Variants in PRR16 observed in about 807,000 individuals in gnomAD.
The protein encoded by PRR16 is proline rich 16, also known as protein Largen.
PRR16 carries 6 observed loss-of-function variants against 18.2 expected under a neutral mutation model. The observed-to-expected ratio is 0.33, with a 90% CI of 0.18 to 0.65. PRR16 has a LOEUF of 0.65. Among genes scored for constraint, PRR16 ranks in the 30% least tolerant of loss-of-function variants. The pLI is 0.74. For missense variants in PRR16, 412 were observed against 376.6 expected, an observed-to-expected ratio of 1.09 and a Z score of -0.78; for synonymous variants, 151 against 147.8, an observed-to-expected ratio of 1.02 and a Z score of -0.16.
chr5:120,645,346 A>G (rs1021989460), intron 1 of PRR16, among the ~76,000 whole-genome samples: 2 of 151,770 alleles, frequency 1.3e-5, no homozygotes, highest in African/African-American at 4.8e-5. Flanking sequence ...ATACACACAC[A>G]CACACAGACA....
chr5:120,585,002 T>C (rs1753393729), intron 1 of PRR16, among the ~76,000 whole-genome samples: 1 of 152,182 alleles, frequency 6.6e-6, no homozygotes, highest in Admixed American at 6.5e-5. Context: ...CTAGATCATC[T>C]TAGCTGTTGT....
At chr5:120,746,739 G>A in the PRR16 span, among the ~76,000 whole-genome samples, 2 of 152,016 alleles carry the variant, frequency 1.3e-5, no homozygotes, top group African/African-American at 4.8e-5. Flanking sequence ...TTAATGTAGA[G>A]CCAGAGTTGA....
intron 1 of PRR16, among the ~76,000 whole-genome samples, chr5:120,569,137 A>C (rs1399235111): frequency 3.9e-5 from 6 of 152,100 alleles, no homozygotes; most frequent in Non-Finnish European, 8.8e-5. Flanking sequence ...ATGCTTGTAA[A>C]CATTTTGTCA....
chr5:120,771,839 G>A, the PRR16 span, among the ~76,000 whole-genome samples: 2 of 151,354 alleles, frequency 1.3e-5, no homozygotes, highest in Admixed American at 6.6e-5. Context: ...CTAGAAACAC[G>A]ACTTTATATT....
the PRR16 span, among the ~76,000 whole-genome samples, chr5:120,785,575 G>GTTTTTT: frequency 1.7e-5 from 2 of 115,394 alleles, no homozygotes; most frequent in East Asian, 2.3e-4. Flanking sequence ...TGTTGTTGTT[G>GTTTTTT]TTTTTTTTTT....
intron 1 of PRR16, among the ~76,000 whole-genome samples, chr5:120,676,977 T>C (rs1756819067): frequency 6.6e-6 from 1 of 152,242 alleles, no homozygotes; most frequent in Admixed American, 6.5e-5. Flanking sequence ...CAAACTGTGA[T>C]ATAATTTAAA....
At chr5:120,641,460 C>A (rs1051419249) in intron 1 of PRR16, among the ~76,000 whole-genome samples, 3 of 152,040 alleles carry the variant, frequency 2.0e-5, no homozygotes, top group African/African-American at 7.2e-5. Context: ...TTTCTTTTCT[C>A]CTCCTTTTCC....
chr5:120,770,709 A>T, the PRR16 span, among the ~76,000 whole-genome samples: 7,398 of 152,056 alleles, frequency 0.049, 317 homozygotes, highest in African/African-American at 0.11. Flanking sequence ...TATAGGGAGC[A>T]CCTACAACTC....
At chr5:120,670,427 T>C (rs1352060520) in intron 1 of PRR16, among the ~76,000 whole-genome samples, 1 of 152,140 alleles carries the variant, frequency 6.6e-6, no homozygotes, top group Non-Finnish European at 1.5e-5. Flanking sequence ...ATATTTATGA[T>C]GTAGACTTTC....
rs557761170 is a variant in PRR16, at chr5:120,604,130, A to G, written c.160-81824A>G. On this transcript the variant is annotated intron_variant, in intron 1 of 1. Coordinates refer to ENST00000407149, the MANE Select transcript of PRR16 (RefSeq NM_001300783.2). ...TTTTTTTTAATTTTTTGCTTCCATG[A>G]TTTGTCTAACACCGTCAGTGGAGTT... 2.0e-5 allele frequency among the ~76,000 whole-genome samples: 3 copies of G among 150,796 alleles called. No homozygotes were observed. The South Asian group carries it at 6.3e-4, about 32-fold the overall frequency.
chr5:120,721,911 A>G, the PRR16 span, among the ~76,000 whole-genome samples: 2 of 151,986 alleles, frequency 1.3e-5, no homozygotes, highest in African/African-American at 2.4e-5. Context: ...TTGGATACAT[A>G]TGGGATACAT....
intron 1 of PRR16, among the ~76,000 whole-genome samples, chr5:120,528,928 G>C (rs970928778): frequency 1.3e-5 from 2 of 152,132 alleles, no homozygotes; most frequent in Admixed American, 6.5e-5. Context: ...TGTGAAAAGA[G>C]GCAATGTTTG....
chr5:120,773,215 TAA>T, the PRR16 span, among the ~76,000 whole-genome samples: 1 of 152,038 alleles, frequency 6.6e-6, no homozygotes, highest in African/African-American at 2.4e-5. Flanking sequence ...CCCACATGAA[TAA>T]GAGTCCCCAA....
intron 1 of PRR16, among the ~76,000 whole-genome samples, chr5:120,487,526 A>G (rs1024464318): frequency 6.6e-6 from 1 of 152,172 alleles, no homozygotes; most frequent in African/African-American, 2.4e-5. Flanking sequence ...GAAGTTGCTT[A>G]TCAGCTTAAG....
intron 1 of PRR16, among the ~76,000 whole-genome samples, chr5:120,673,327 C>G (rs1756679480): frequency 6.6e-6 from 1 of 152,180 alleles, no homozygotes; most frequent in South Asian, 2.1e-4. Context: ...TGGGGCATTT[C>G]TACGTATTTC....
At chr5:120,592,115 A>C (rs774395619) in intron 1 of PRR16, among the ~76,000 whole-genome samples, 4 of 151,344 alleles carry the variant, frequency 2.6e-5, no homozygotes, top group Non-Finnish European at 5.9e-5. Context: ...CCAAGGCATT[A>C]TACTGTGTTG....
At chr5:120,573,055 G>A (rs1195766554) in intron 1 of PRR16, among the ~76,000 whole-genome samples, 1 of 152,090 alleles carries the variant, frequency 6.6e-6, no homozygotes, top group Non-Finnish European at 1.5e-5. Context: ...TATGCCTCTT[G>A]TCTCCCAAAA....
At chr5:120,734,646 T>C in the PRR16 span, among the ~76,000 whole-genome samples, 1 of 152,188 alleles carries the variant, frequency 6.6e-6, no homozygotes, top group Non-Finnish European at 1.5e-5. Flanking sequence ...TTTCTGACTT[T>C]ATTCCTTTAT....
chr5:120,684,671 G>A (rs1172212750), intron 1 of PRR16, among the ~76,000 whole-genome samples: 1 of 152,174 alleles, frequency 6.6e-6, no homozygotes, highest in Non-Finnish European at 1.5e-5. Flanking sequence ...CCCTGATGCT[G>A]TACTCTGAAA....
Sources: gnomAD v4.1 joint callset for allele counts (sites outside exome capture counted in the v4.1 genomes callset) on GRCh38, gnomAD v4.1.1 for gene constraint, MANE v1.5 for transcripts, NCBI Gene and HGNC (gene_info 2026-07-23, HGNC 2026-07-21) for gene names.